ARMC7: variants seen among roughly 807,000 people sequenced by gnomAD.
ARMC7 encodes the protein armadillo repeat containing 7.
Under a neutral mutation model 14.8 loss-of-function variants are expected in ARMC7, and 9 were observed. That is an observed-to-expected ratio of 0.61 (90% CI 0.37 to 1.06). The LOEUF (loss-of-function observed/expected upper bound fraction) is 1.06. Ranked by LOEUF, ARMC7 falls within the 50% of genes least tolerant of loss-of-function variation. The probability of loss-of-function intolerance (pLI) is 0.01; values close to 1 mark genes in which losing one functional copy is unlikely to be tolerated. For synonymous variants in ARMC7, 125 were observed against 123.4 expected (o/e 1.01, Z -0.09); for missense variants, 262 against 267.1 (o/e 0.98, Z 0.13).
Position 75,110,613 on chromosome 17 carries a change from G to C in ARMC7, c.235+7G>C. 1 of 1,614,148 alleles carries C rather than the reference G, an allele frequency of 6.2e-7. No homozygotes were observed. The highest frequency in any genetic ancestry group is 1.1e-5 in the South Asian group (1 of 91,082). ...CTGGTGGAGTTTGCTATTGGTAAGG[G>C]CGGGGCCCGTTCCCTAGATGCCTAA... On this transcript the variant is annotated splice_region_variant and intron_variant, in intron 2 of 2. Transcript: ENST00000245543.
chr17:75,114,661 T>C (rs1439901212), intron 2 of ARMC7: 1 of 398,202 alleles, frequency 2.5e-6, no homozygotes. Context: ...GTTAGGATCA[T>C]TATCACCAGC....
Position 75,114,874 on chromosome 17 carries a change from G to A in ARMC7, c.235+4268G>A, listed in dbSNP as rs115608505. On this transcript the variant is annotated intron_variant, in intron 2 of 2. Coordinates refer to ENST00000245543, the MANE Select transcript of ARMC7 (RefSeq NM_024585.4). ...TGCATGACTGAGAAGGAGAGCCCCC[G>A]CGTATTTTCTTACTGCCGTCGTTTC... The A allele has an allele frequency of 4.1e-3, 1,626 of 393,964 alleles. 29 individuals carry two copies. The highest frequency in any genetic ancestry group is 0.031 in the African/African-American group (1,484 of 48,526). 24.4% of individuals were successfully genotyped at this position (393,964 alleles called of 1,614,324 possible).
intron 2 of ARMC7, among the ~76,000 whole-genome samples, chr17:75,122,259 G>C (rs1050659741): frequency 6.6e-6 from 1 of 151,932 alleles, no homozygotes; most frequent in Non-Finnish European, 1.5e-5. Context: ...CCCGGAGGTG[G>C]AGGATGCAGT....
intron 2 of ARMC7, among the ~76,000 whole-genome samples, chr17:75,115,961 G>A (rs2073970101): frequency 6.6e-6 from 1 of 152,316 alleles, no homozygotes; most frequent in East Asian, 1.9e-4. Flanking sequence ...CCCTTTGAGG[G>A]TGAGCTGTCG....
At position 75,128,776 on chromosome 17, in the gene ARMC7, A is replaced by T; in HGVS notation, c.335A>T (p.Glu112Val). 1 of 1,613,482 alleles carries T rather than the reference A, an allele frequency of 6.2e-7. No individual in the cohort carries two copies. Among genetic ancestry groups the T allele is most frequent in the South Asian group, 1.1e-5 (1 of 91,082 alleles). ...LIINCLSSPNEETVLSAITTL... is the reference protein window; with the variant it reads ...LIINCLSSPNVETVLSAITTL... Reference sequence around the variant, plus strand: ...ATCAACTGCCTATCCAGCCCCAATGAGGAGACGGTGCTGTCTGCCATCACC... The same window carrying T: ...ATCAACTGCCTATCCAGCCCCAATGTGGAGACGGTGCTGTCTGCCATCACC... Residue 112 changes from glutamate (E) to valine (V), a missense_variant, in exon 3 of 3, where the codon GAG (glutamate) becomes GTG (valine). Glu to Val is a moderately radical substitution (Grantham distance 121). Coordinates refer to ENST00000245543, the MANE Select transcript of ARMC7 (RefSeq NM_024585.4).
At chr17:75,119,347 A>T (rs936132101) in intron 2 of ARMC7, among the ~76,000 whole-genome samples, 3 of 152,336 alleles carry the variant, frequency 2.0e-5, no homozygotes, top group African/African-American at 7.2e-5. Flanking sequence ...CGCTGGCAAG[A>T]CACAAAAGTG....
At chr17:75,119,833 G>A (rs1165129226) in intron 2 of ARMC7, among the ~76,000 whole-genome samples, 2 of 152,024 alleles carry the variant, frequency 1.3e-5, no homozygotes, top group Non-Finnish European at 2.9e-5. Flanking sequence ...TGTATTTTGA[G>A]CTGCCCTTGC....
intron 2 of ARMC7, among the ~76,000 whole-genome samples, chr17:75,119,973 G>C (rs1368049869): frequency 2.6e-5 from 4 of 151,376 alleles, no homozygotes; most frequent in Non-Finnish European, 5.9e-5. Context: ...GGCATGATCT[G>C]GGCTCATTGC....
At position 75,128,778 on chromosome 17, in the gene ARMC7, G is replaced by A. The variant is rs770943213; in HGVS notation, c.337G>A (p.Glu113Lys). ...CAACTGCCTATCCAGCCCCAATGAG[G>A]AGACGGTGCTGTCTGCCATCACCAC... ...IINCLSSPNE[E>K]TVLSAITTLM... Residue 113 changes from glutamate (E) to lysine (K), a missense_variant, in exon 3 of 3, where the codon GAG becomes AAG. By Grantham distance (56) the Glu-to-Lys change is moderately conservative. Transcript: ENST00000245543. 1.2e-5 allele frequency: 19 copies of A among 1,613,438 alleles called. No individual in the cohort carries two copies. Among genetic ancestry groups the A allele is most frequent in the African/African-American group, 1.1e-4 (8 of 74,926 alleles).
In ARMC7 at chr17:75,129,818, G is replaced by C. The variant is rs1452350413; in HGVS notation, c.*780G>C. The C allele has an allele frequency of 6.6e-6, 1 of 152,550 alleles. No individual in the cohort carries two copies. The highest frequency in any genetic ancestry group is 1.9e-4 in the East Asian group (1 of 5,176). 9.4% of individuals were successfully genotyped at this position (152,550 alleles called of 1,614,324 possible). Reference sequence around the variant, plus strand: ...TGCCACCCCATGGCCCCGGCTGAAAGCTTCGGCCCTCCTCTGCTGTCACTC... The same window carrying C: ...TGCCACCCCATGGCCCCGGCTGAAACCTTCGGCCCTCCTCTGCTGTCACTC... On this transcript the variant is annotated 3_prime_UTR_variant, in exon 3 of 3. Transcript: ENST00000245543.
rs1261868564 is a variant in ARMC7 at position 75,128,934 on chromosome 17, G to A, written c.493G>A (p.Glu165Lys). The change falls in exon 3 of 3, where the codon GAG becomes AAG. Residue 165 changes from glutamate to lysine, a missense_variant. Glu to Lys is a moderately conservative substitution (Grantham distance 56). Transcript: ENST00000245543. The part of the protein sequence containing the change: ...RLRNLAQIFL[E>K]DFCSPRQVAE... Reference sequence around the variant, plus strand: ...CCGGAACCTGGCACAGATCTTCCTGGAGGACTTCTGCTCCCCCCGCCAGGT... The same window carrying A: ...CCGGAACCTGGCACAGATCTTCCTGAAGGACTTCTGCTCCCCCCGCCAGGT... The A allele has an allele frequency of 2.5e-6, 4 of 1,607,700 alleles. No individual in the cohort carries two copies. Among genetic ancestry groups the A allele is most frequent in the Non-Finnish European group, 2.5e-6 (3 of 1,179,686 alleles).
chr17:75,111,265 T>G (rs368185213), intron 2 of ARMC7, among the ~76,000 whole-genome samples: 1 of 151,362 alleles, frequency 6.6e-6, no homozygotes, highest in African/African-American at 2.4e-5. Flanking sequence ...GCCAACATGG[T>G]GAAACCCCAT....
At chr17:75,114,228 A>G in intron 2 of ARMC7, 1 of 401,220 alleles carries the variant, frequency 2.5e-6, no homozygotes, top group Non-Finnish European at 4.4e-6. Flanking sequence ...AATCTCCACC[A>G]GGGGGCGATA....
intron 2 of ARMC7, among the ~76,000 whole-genome samples, chr17:75,112,804 G>C (rs776174353): frequency 1.3e-5 from 2 of 149,964 alleles, no homozygotes; most frequent in East Asian, 3.9e-4. Context: ...GACTGGTCTC[G>C]AACTCCTGGC....
intron 2 of ARMC7, among the ~76,000 whole-genome samples, chr17:75,119,204 CT>C (rs1362063049): frequency 2.6e-5 from 4 of 152,100 alleles, no homozygotes; most frequent in African/African-American, 9.7e-5. Flanking sequence ...ATTATTTGTT[CT>C]TGGGTTTTCC....
rs115860307 is a variant in ARMC7, at chr17:75,126,750, C to G, written c.236-1927C>G. ...GTGTGCTCAACCATGCCCCGCTAAT[C>G]ACAATATATTGGTAAATGAAAAAAG... is the stretch of plus-strand genomic sequence containing the variant. On this transcript the variant is annotated intron_variant, in intron 2 of 2. Coordinates refer to ENST00000245543, the MANE Select transcript of ARMC7 (RefSeq NM_024585.4). 5.8e-3 allele frequency among the ~76,000 whole-genome samples: 884 copies of G among 151,968 alleles called. 11 individuals are homozygous for G. The highest frequency in any genetic ancestry group is 0.02 in the African/African-American group (843 of 41,492).
At chr17:75,117,952 C>T (rs1598166835) in intron 2 of ARMC7, among the ~76,000 whole-genome samples, 2 of 152,086 alleles carry the variant, frequency 1.3e-5, no homozygotes, top group East Asian at 3.9e-4. Flanking sequence ...GAAACCCCGT[C>T]TCTACTAAAA....
intron 2 of ARMC7, among the ~76,000 whole-genome samples, chr17:75,120,733 G>C (rs576896854): frequency 6.7e-6 from 1 of 148,592 alleles, no homozygotes; most frequent in Non-Finnish European, 1.5e-5. Context: ...AGAATCACTT[G>C]AACCTGGGAG....
Position 75,110,588 on chromosome 17 carries a change from C to T in ARMC7, c.217C>T (p.Leu73=). ...TTCGCTGTCGGAGGAGAATGAGACC[C>T]TGGTGGAGTTTGCTATTGGTAAGGG... ...LDSLSEENET[L]VEFAIGGLCN... Residue 73 remains leucine, a synonymous_variant, in exon 2 of 3, where the codon CTG becomes TTG. Coordinates refer to ENST00000245543, the MANE Select transcript of ARMC7 (RefSeq NM_024585.4). The T allele has an allele frequency of 6.2e-7, 1 of 1,614,232 alleles. No individual in the cohort carries two copies. The highest frequency in any genetic ancestry group is 8.5e-7 in the Non-Finnish European group (1 of 1,180,036).
Sources: gnomAD v4.1 joint callset for allele counts (sites outside exome capture counted in the v4.1 genomes callset) on GRCh38, gnomAD v4.1.1 for gene constraint, MANE v1.5 for transcripts, NCBI Gene and HGNC (gene_info 2026-07-23, HGNC 2026-07-21) for gene names.